The following RBFOX1 variants were observed in gnomAD, a reference collection of about 807,000 sequenced individuals.
The protein encoded by RBFOX1 is RNA binding fox-1 homolog 1.
RBFOX1 carries 8 observed loss-of-function variants against 57.7 expected under a neutral mutation model. The ratio of observed to expected loss-of-function variants is 0.14; its 90% CI spans 0.08 to 0.25. RBFOX1 has a LOEUF of 0.25. RBFOX1 is among the 10% of genes least tolerant of loss of function. The probability of loss-of-function intolerance (pLI) is 1.00; values close to 1 mark genes in which losing one functional copy is unlikely to be tolerated. For synonymous variants in RBFOX1, 326 were observed against 222.4 expected (o/e 1.47, Z -4.15); for missense variants, 611 against 548.5 (o/e 1.11, Z -1.14).
At chr16:7,350,427 G>A (rs1263902896) in intron 4 of RBFOX1, among the ~76,000 whole-genome samples, 1 of 152,188 alleles carries the variant, frequency 6.6e-6, no homozygotes, top group African/African-American at 2.4e-5. Context: ...CAGCAGCCAG[G>A]TCCCATTCCA....
chr16:5,342,747 G>T (rs1244545084), intron 1 of RBFOX1, among the ~76,000 whole-genome samples: 1 of 152,068 alleles, frequency 6.6e-6, no homozygotes, highest in Non-Finnish European at 1.5e-5. Context: ...GGTTTCCTTG[G>T]TGCACATCCA....
intron 4 of RBFOX1, among the ~76,000 whole-genome samples, chr16:5,893,541 T>A (rs2058093047): frequency 6.6e-6 from 1 of 152,200 alleles, no homozygotes; most frequent in South Asian, 2.1e-4. Flanking sequence ...GCATGGTGGC[T>A]CACACCTGTA....
At chr16:5,385,578 C>A (rs1026773251) in intron 1 of RBFOX1, among the ~76,000 whole-genome samples, 1 of 152,206 alleles carries the variant, frequency 6.6e-6, no homozygotes, top group Non-Finnish European at 1.5e-5. Context: ...GATCAGCCGC[C>A]TAATGGGCTG....
At chr16:5,241,125 G>C (rs116069521) in intron 1 of RBFOX1, among the ~76,000 whole-genome samples, 5,600 of 152,288 alleles carry the variant, frequency 0.037, 337 homozygotes, top group African/African-American at 0.13. Context: ...TGGGCAGCAC[G>C]GGTAGCCGTC....
intron 4 of RBFOX1, among the ~76,000 whole-genome samples, chr16:7,177,132 C>T (rs1343958571): frequency 6.6e-6 from 1 of 152,178 alleles, no homozygotes; most frequent in Non-Finnish European, 1.5e-5. Context: ...GTGCAAAGAA[C>T]ACGACACTTT....
At chr16:7,294,600 T>TAA (rs1023312599) in intron 4 of RBFOX1, among the ~76,000 whole-genome samples, 1 of 152,012 alleles carries the variant, frequency 6.6e-6, no homozygotes, top group Admixed American at 6.6e-5. Context: ...GGGTGGGACT[T>TAA]ACTCCTGCTC....
At chr16:6,749,454 A>G (rs1351610818) in intron 3 of RBFOX1, among the ~76,000 whole-genome samples, 3 of 152,114 alleles carry the variant, frequency 2.0e-5, no homozygotes, top group Non-Finnish European at 4.4e-5. Flanking sequence ...TATACTCATA[A>G]CCGTCCGGGG....
At chr16:5,548,806 C>A (rs76604523) in intron 2 of RBFOX1, among the ~76,000 whole-genome samples, 1 of 152,122 alleles carries the variant, frequency 6.6e-6, no homozygotes, top group African/African-American at 2.4e-5. Flanking sequence ...TAAATTCAAC[C>A]TTCTCTCAGT....
intron 2 of RBFOX1, among the ~76,000 whole-genome samples, chr16:6,649,353 C>G (rs116710534): frequency 0.016 from 2,498 of 152,188 alleles, 66 homozygotes; most frequent in African/African-American, 0.057. Flanking sequence ...TTGATGGACA[C>G]TTAGTTTTTT....
In RBFOX1 at chr16:6,344,407, C is replaced by CTTTTTTTTTTTTTTTTTTTTTT. The variant is rs60637926; in HGVS notation, c.-64+27362_-64+27363insTTTTTTTTTTTTTTTTTTTTTT. Among the ~76,000 whole-genome samples, 113 of 109,838 alleles carry CTTTTTTTTTTTTTTTTTTTTTT rather than the reference C, an allele frequency of 1.0e-3. 6 individuals carry two copies. Among genetic ancestry groups the CTTTTTTTTTTTTTTTTTTTTTT allele is most frequent in the African/African-American group, 4.0e-3 (93 of 22,966 alleles). The allele number at this position is 109,838 out of a possible 152,430, so 72.1% of individuals were successfully genotyped here. ...TCTCTTCTTCTTTTTTCTTTTTTTT[C>CTTTTTTTTTTTTTTTTTTTTTT]TTTTTTTTTTTTGAGACAGAGTCTC... On this transcript the variant is annotated intron_variant, in intron 2 of 15. Transcript: ENST00000550418.
intron 3 of RBFOX1, among the ~76,000 whole-genome samples, chr16:6,721,576 A>C (rs1407006513): frequency 6.6e-6 from 1 of 152,178 alleles, no homozygotes; most frequent in Admixed American, 6.5e-5. Flanking sequence ...ATGTTTGTTA[A>C]ATAACAGCTC....
intron 14 of RBFOX1, among the ~76,000 whole-genome samples, chr16:7,682,996 A>ATGTG (rs1491165202): frequency 9.8e-4 from 27 of 27,666 alleles, no homozygotes; most frequent in African/African-American, 3.2e-3. Flanking sequence ...TAATACTTCT[A>ATGTG]TGTGTGTGTG....
chr16:7,467,927 A>C (rs1033931237), intron 4 of RBFOX1, among the ~76,000 whole-genome samples: 1 of 152,236 alleles, frequency 6.6e-6, no homozygotes, highest in Non-Finnish European at 1.5e-5. Context: ...TATGTCCATC[A>C]TTTGTACATT....
chr16:7,404,732 G>A (rs1049725093), intron 4 of RBFOX1, among the ~76,000 whole-genome samples: 18 of 152,178 alleles, frequency 1.2e-4, no homozygotes, highest in African/African-American at 4.3e-4. Context: ...AAACAAAACC[G>A]AATGCACTTT....
chr16:6,668,573 C>T (rs1171205040), intron 3 of RBFOX1, among the ~76,000 whole-genome samples: 1 of 152,170 alleles, frequency 6.6e-6, no homozygotes. Context: ...GGTAGCTAGC[C>T]TTTCCTAGGT....
intron 4 of RBFOX1, among the ~76,000 whole-genome samples, chr16:7,402,874 C>G (rs2098268524): frequency 6.6e-6 from 1 of 152,120 alleles, no homozygotes; most frequent in Non-Finnish European, 1.5e-5. Flanking sequence ...CTCATTCAGT[C>G]CTAGACATTG....
rs562201690 is a variant in RBFOX1 at position 6,650,490 on chromosome 16, C to G, written c.-63-4113C>G. The stretch of plus-strand genomic sequence containing the variant: ...TGATTCAGTATGAGTTACCTAATGG[C>G]TAATCACAATTATCATGCCACAGAG... On this transcript the variant is annotated intron_variant, in intron 2 of 15. Transcript: ENST00000550418. Among the ~76,000 whole-genome samples the G allele has an allele frequency of 3.9e-5, 6 of 152,202 alleles. No homozygotes were observed. The South Asian group carries it at 8.3e-4, about 21-fold the overall frequency.
intron 2 of RBFOX1, among the ~76,000 whole-genome samples, chr16:6,431,772 A>C (rs1362880303): frequency 6.6e-6 from 1 of 152,096 alleles, no homozygotes; most frequent in African/African-American, 2.4e-5. Flanking sequence ...ACTTGGAGCA[A>C]ATCATTCTTG....
chr16:7,422,259 A>C (rs535989725), intron 4 of RBFOX1, among the ~76,000 whole-genome samples: 1 of 152,136 alleles, frequency 6.6e-6, no homozygotes, highest in Non-Finnish European at 1.5e-5. Flanking sequence ...AAACAGCCCT[A>C]TTGTTTTAGA....
Sources: gnomAD v4.1 joint callset for allele counts (sites outside exome capture counted in the v4.1 genomes callset) on GRCh38, gnomAD v4.1.1 for gene constraint, MANE v1.5 for transcripts, NCBI Gene and HGNC (gene_info 2026-07-23, HGNC 2026-07-21) for gene names.